The following ZC3H12B variants were observed in gnomAD, a reference collection of about 807,000 sequenced individuals.
The protein encoded by ZC3H12B is probable ribonuclease ZC3H12B.
Under a neutral mutation model 43.9 loss-of-function variants are expected in ZC3H12B, and 7 were observed. The ratio of observed to expected loss-of-function variants is 0.16; its 90% CI spans 0.09 to 0.30. The LOEUF (loss-of-function observed/expected upper bound fraction) is 0.30. Among genes scored for constraint, ZC3H12B ranks in the 10% least tolerant of loss-of-function variants. The probability of loss-of-function intolerance (pLI) is 1.00; values close to 1 mark genes in which losing one functional copy is unlikely to be tolerated. For missense variants in ZC3H12B, 475 were observed against 670.2 expected, an observed-to-expected ratio of 0.71 and a Z score of 3.22; for synonymous variants, 222 against 241.7, an observed-to-expected ratio of 0.92 and a Z score of 0.76.
the ZC3H12B span, among the ~76,000 whole-genome samples, chrX:65,093,976 G>A: frequency 1.8e-4 from 20 of 111,315 alleles, no homozygotes; most frequent in Non-Finnish European, 7.5e-5. Context: ...CCCCAATGTT[G>A]GAGGTGGGGC....
At chrX:65,145,401 G>A in the ZC3H12B span, among the ~76,000 whole-genome samples, 1 of 111,196 alleles carries the variant, frequency 9.0e-6, no homozygotes, top group South Asian at 3.7e-4. Context: ...CATATAATTG[G>A]TTGGTGAATT....
At chrX:65,203,093 C>T in the ZC3H12B span, among the ~76,000 whole-genome samples, 1 of 111,992 alleles carries the variant, frequency 8.9e-6, no homozygotes, top group African/African-American at 3.2e-5. Context: ...CTTCAGTCAG[C>T]TTTTGTTGAA....
chrX:65,493,590 C>A lies in ZC3H12B; in HGVS notation c.609-3542C>A, dbSNP rs746685114. On this transcript the variant is annotated intron_variant, in intron 1 of 4. Transcript: ENST00000338957. ...TTTGAAATGTAAATGCAACCATATT[C>A]TTTGTTAAGTCTAGGAGAAGCCCAA... is the stretch of plus-strand genomic sequence containing the variant. Among the ~76,000 whole-genome samples the A allele has an allele frequency of 2.0e-4, 22 of 111,279 alleles. No homozygotes were observed. The East Asian group carries it at 5.7e-3, about 29-fold the overall frequency.
At chrX:65,474,321 G>T (rs777595537) in intron 3 of ZC3H12B, among the ~76,000 whole-genome samples, 1 of 110,711 alleles carries the variant, frequency 9.0e-6, no homozygotes, top group Non-Finnish European at 1.9e-5. Flanking sequence ...TGAAATATTT[G>T]TTCCACCCCT....
chrX:65,224,995 CCTGT>C, the ZC3H12B span, among the ~76,000 whole-genome samples: 1 of 111,661 alleles, frequency 9.0e-6, no homozygotes, highest in African/African-American at 3.3e-5. Context: ...CTTAAATGTC[CCTGT>C]CTGACAGAGT....
the ZC3H12B span, among the ~76,000 whole-genome samples, chrX:65,159,253 C>T: frequency 2.7e-5 from 3 of 111,774 alleles, no homozygotes; most frequent in East Asian, 5.6e-4. Flanking sequence ...CTTGGCGATG[C>T]GGGCTCTTCT....
the ZC3H12B span, among the ~76,000 whole-genome samples, chrX:65,219,813 C>T: frequency 3.0e-5 from 3 of 99,006 alleles, no homozygotes; most frequent in South Asian, 4.5e-4. Context: ...CACACATACA[C>T]ACACACACAC....
chrX:65,175,359 A>AT, the ZC3H12B span, among the ~76,000 whole-genome samples: 40 of 105,330 alleles, frequency 3.8e-4, no homozygotes, highest in South Asian at 1.2e-3. Flanking sequence ...TGCATGTAAC[A>AT]TTTTTTTTTT....
At chrX:65,381,340 C>T (rs907310767) in intron 2 of ZC3H12B, among the ~76,000 whole-genome samples, 4 of 111,691 alleles carry the variant, frequency 3.6e-5, no homozygotes, top group African/African-American at 1.3e-4. Context: ...AAACAACCTG[C>T]TCCTGAATTA....
At chrX:65,472,733 G>T (rs1182782435) in intron 3 of ZC3H12B, among the ~76,000 whole-genome samples, 2 of 100,052 alleles carry the variant, frequency 2.0e-5, no homozygotes, top group Non-Finnish European at 4.0e-5. Context: ...TGACTGTAAT[G>T]ATGTGGATTT....
the ZC3H12B span, among the ~76,000 whole-genome samples, chrX:65,264,157 A>T: frequency 9.0e-6 from 1 of 111,379 alleles, no homozygotes; most frequent in Non-Finnish European, 1.9e-5. Context: ...CAACTCAGAA[A>T]CAGGGAGAGT....
At chrX:65,458,085 T>TAAAAAAAA (rs59738258) in intron 3 of ZC3H12B, among the ~76,000 whole-genome samples, 9 of 49,054 alleles carry the variant, frequency 1.8e-4, no homozygotes, top group Non-Finnish European at 3.0e-4. Flanking sequence ...AAAAAAAAAT[T>TAAAAAAAA]AAAAAAAAAA....
chrX:65,182,974 G>A, the ZC3H12B span, among the ~76,000 whole-genome samples: 3 of 111,870 alleles, frequency 2.7e-5, no homozygotes, highest in Admixed American at 2.9e-4. Flanking sequence ...ACTGCTGATG[G>A]GAGTTTACAT....
At chrX:65,267,548 A>C in the ZC3H12B span, among the ~76,000 whole-genome samples, 1 of 111,550 alleles carries the variant, frequency 9.0e-6, no homozygotes, top group African/African-American at 3.3e-5. Flanking sequence ...TATTGGACTC[A>C]TTCGAAAAAA....
chrX:65,124,458 T>C, the ZC3H12B span, among the ~76,000 whole-genome samples: 1 of 110,811 alleles, frequency 9.0e-6, no homozygotes, highest in South Asian at 3.8e-4. Context: ...TCTTTTTTTA[T>C]GTTATTTCCT....
chrX:65,054,751 C>A, the ZC3H12B span, among the ~76,000 whole-genome samples: 1 of 111,486 alleles, frequency 9.0e-6, no homozygotes. Context: ...TTTGTATCCT[C>A]TTTTATTTCA....
At position 65,491,714 on chromosome X, in the gene ZC3H12B, A is replaced by AT. The variant is rs1299769931; in HGVS notation, c.608+2305_608+2306insT. On this transcript the variant is annotated intron_variant, in intron 1 of 4. Coordinates refer to ENST00000338957, the Ensembl canonical transcript of ZC3H12B. ...GGAGTGAGGCCCTATTTAAAAAAAA[A>AT]ATATATATATATATATATATATGAC... is the stretch of plus-strand genomic sequence containing the variant. Among the ~76,000 whole-genome samples, 268 of 97,155 alleles carry AT rather than the reference A, an allele frequency of 2.8e-3. 1 individual carries two copies. The highest frequency in any genetic ancestry group is 5.9e-3 in the Admixed American group (52 of 8,776). 84.4% of individuals were successfully genotyped at this position (97,155 alleles called of 115,157 possible). A position where few individuals can be genotyped will look rare whatever the true frequency, so the allele number is the denominator to read the frequency against.
chrX:65,339,129 G>T, the ZC3H12B span, among the ~76,000 whole-genome samples: 2 of 111,559 alleles, frequency 1.8e-5, no homozygotes, highest in Non-Finnish European at 3.8e-5. Flanking sequence ...TAAGAAGCAG[G>T]GAAAAGATGG....
At chrX:65,045,918 G>T in the ZC3H12B span, among the ~76,000 whole-genome samples, 1 of 111,717 alleles carries the variant, frequency 9.0e-6, no homozygotes, top group Admixed American at 9.5e-5. Flanking sequence ...ACATCCATCA[G>T]AGCTCTTGGG....
Sources: gnomAD v4.1 joint callset for allele counts (sites outside exome capture counted in the v4.1 genomes callset) on GRCh38, gnomAD v4.1.1 for gene constraint, MANE v1.5 for transcripts, NCBI Gene and HGNC (gene_info 2026-07-23, HGNC 2026-07-21) for gene names.